Variants in COL21A1 observed in about 807,000 individuals in gnomAD.
COL21A1 encodes collagen alpha-1(XXI) chain.
COL21A1 carries 149 observed loss-of-function variants against 137.9 expected under a neutral mutation model. That is an observed-to-expected ratio of 1.08 (90% CI 0.95 to 1.24). COL21A1 has a LOEUF of 1.24. Ranked by LOEUF, COL21A1 falls within the 50% of genes most tolerant of loss-of-function variation. The pLI is 0.00. For missense variants in COL21A1, 1,167 were observed against 1,158.4 expected, an observed-to-expected ratio of 1.01 and a Z score of -0.11; for synonymous variants, 456 against 391.5, an observed-to-expected ratio of 1.16 and a Z score of -1.95.
intron 1 of COL21A1, among the ~76,000 whole-genome samples, chr6:56,347,763 C>T (rs1765628172): frequency 6.6e-6 from 1 of 152,012 alleles, no homozygotes; most frequent in African/African-American, 2.4e-5. Context: ...GATGATAAGA[C>T]ATTGTATTAC....
chr6:56,095,079 T>G (rs1183599909), intron 17 of COL21A1, among the ~76,000 whole-genome samples: 4 of 152,222 alleles, frequency 2.6e-5, no homozygotes, highest in Non-Finnish European at 5.9e-5. Context: ...AAAATTTCCT[T>G]GGATCTGACC....
rs114872432 is a variant in COL21A1 at position 56,360,201 on chromosome 6, G to A, written c.-39+33770C>T. On this transcript the variant is annotated intron_variant, in intron 1 of 28. Transcript: ENST00000370819. ...GGAGGGTCGTGTCACATCTACCACC[G>A]AATAGGTTGAGCACATAAAGAGAGT... Among the ~76,000 whole-genome samples, 1,423 of 152,196 alleles carry A rather than the reference G, an allele frequency of 9.3e-3. 9 individuals carry two copies. The highest frequency in any genetic ancestry group is 0.02 in the Middle Eastern group (6 of 294).
Position 56,124,304 on chromosome 6 carries a change from A to G in COL21A1, c.1651-12T>C, listed in dbSNP as rs1334495264. ...TCACCTTTTGCACCCTGTATCGAAA[A>G]CAAACACTTAAAACACAATCTTTAC... On this transcript the variant is annotated splice_polypyrimidine_tract_variant and intron_variant, in intron 14 of 29. Coordinates refer to ENST00000244728, the MANE Select transcript of COL21A1 (RefSeq NM_030820.4). 6.3e-7 allele frequency: 1 copy of G among 1,593,330 alleles called. No homozygotes were observed. Among genetic ancestry groups the G allele is most frequent in the African/African-American group, 1.3e-5 (1 of 74,694 alleles).
intron 1 of COL21A1, among the ~76,000 whole-genome samples, chr6:56,265,898 T>A (rs1159990915): frequency 6.7e-6 from 1 of 149,910 alleles, no homozygotes; most frequent in Non-Finnish European, 1.5e-5. Flanking sequence ...GAAAATTACA[T>A]TCCATCTATC....
chr6:56,339,622 CA>C (rs1163886740), intron 1 of COL21A1, among the ~76,000 whole-genome samples: 1 of 152,196 alleles, frequency 6.6e-6, no homozygotes, highest in African/African-American at 2.4e-5. Context: ...TAAAGCGACT[CA>C]GTTCACTTTT....
At chr6:56,343,061 A>G (rs1765506389) in intron 1 of COL21A1, among the ~76,000 whole-genome samples, 1 of 152,172 alleles carries the variant, frequency 6.6e-6, no homozygotes, top group African/African-American at 2.4e-5. Flanking sequence ...ATCAAGTAGA[A>G]CCTCAGATTA....
At chr6:56,206,310 CAAA>C (rs1436695741) in intron 1 of COL21A1, among the ~76,000 whole-genome samples, 9 of 65,258 alleles carry the variant, frequency 1.4e-4, no homozygotes, top group Admixed American at 1.6e-4. Flanking sequence ...AAATGGAAAG[CAAA>C]AAAAAAAAAA....
intron 1 of COL21A1, among the ~76,000 whole-genome samples, chr6:56,205,456 A>T (rs1281674854): frequency 1.3e-5 from 2 of 152,210 alleles, no homozygotes; most frequent in Non-Finnish European, 2.9e-5. Flanking sequence ...AAAGAGATGA[A>T]TAAAGCCTCC....
intron 1 of COL21A1, among the ~76,000 whole-genome samples, chr6:56,343,941 G>A (rs1765528281): frequency 6.6e-6 from 1 of 152,102 alleles, no homozygotes. Context: ...GAAAGACACT[G>A]TCTCACACAC....
chr6:56,121,296 A>C (rs1349790691), intron 16 of COL21A1, among the ~76,000 whole-genome samples: 1 of 152,008 alleles, frequency 6.6e-6, no homozygotes, highest in Non-Finnish European at 1.5e-5. Context: ...AAAAGGCTAC[A>C]TAATGTATCA....
chr6:56,340,351 A>G (rs2038141), intron 1 of COL21A1, among the ~76,000 whole-genome samples: 123,044 of 151,678 alleles, frequency 0.81, 49,983 homozygotes, highest in East Asian at 0.91. Context: ...TTGAAGGAGA[A>G]GTTGTGGTGG....
intron 20 of COL21A1, among the ~76,000 whole-genome samples, chr6:56,071,821 T>A (rs543280496): frequency 1.3e-5 from 2 of 151,758 alleles, no homozygotes; most frequent in Admixed American, 1.3e-4. Context: ...AATTATTATC[T>A]TTTTAAGTTC....
At chr6:56,208,598 C>G (rs1388088632) in intron 1 of COL21A1, among the ~76,000 whole-genome samples, 2 of 152,132 alleles carry the variant, frequency 1.3e-5, no homozygotes, top group African/African-American at 4.8e-5. Flanking sequence ...ACCATACTGC[C>G]CAAAGTAATT....
intron 1 of COL21A1, among the ~76,000 whole-genome samples, chr6:56,278,418 G>GC (rs777554180): frequency 1.4e-3 from 216 of 152,192 alleles, no homozygotes; most frequent in Middle Eastern, 3.4e-3. Context: ...TTGTATAAGC[G>GC]CTTCATTCTT....
At chr6:56,201,920 G>A (rs1029170144) in intron 1 of COL21A1, among the ~76,000 whole-genome samples, 14 of 151,968 alleles carry the variant, frequency 9.2e-5, no homozygotes, top group African/African-American at 3.1e-4. Context: ...TTTTAAACTT[G>A]TTTCATAAAA....
intron 12 of COL21A1, among the ~76,000 whole-genome samples, chr6:56,132,770 G>A (rs1302848398): frequency 6.6e-6 from 1 of 152,028 alleles, no homozygotes; most frequent in Non-Finnish European, 1.5e-5. Context: ...CATAGGGGCG[G>A]GTCTTTCACG....
At chr6:56,207,292 G>A (rs1779857598) in intron 1 of COL21A1, among the ~76,000 whole-genome samples, 1 of 152,042 alleles carries the variant, frequency 6.6e-6, no homozygotes. Flanking sequence ...CAGCTAACCA[G>A]ACTAATAAAG....
intron 1 of COL21A1, among the ~76,000 whole-genome samples, chr6:56,307,932 C>G (rs1764510575): frequency 6.6e-6 from 1 of 152,116 alleles, no homozygotes; most frequent in African/African-American, 2.4e-5. Flanking sequence ...TGCAAACAAC[C>G]TAAGGGTCCA....
At chr6:56,202,745 C>T (rs932060206) in intron 1 of COL21A1, among the ~76,000 whole-genome samples, 4 of 152,180 alleles carry the variant, frequency 2.6e-5, no homozygotes, top group Non-Finnish European at 4.4e-5. Context: ...CAAAACCACA[C>T]ATGAAAGAGA....
Sources: allele counts gnomAD v4.1 joint callset (sites outside exome capture counted in the v4.1 genomes callset), GRCh38; gene constraint gnomAD v4.1.1; transcripts MANE v1.5; gene names NCBI Gene and HGNC (gene_info 2026-07-23, HGNC 2026-07-21).